The following DESI2 variants were observed in gnomAD, a reference collection of about 807,000 sequenced individuals.
DESI2 encodes desumoylating isopeptidase 2.
In DESI2, 10 loss-of-function variants were observed where a neutral mutation model predicts 24.1. The observed-to-expected ratio is 0.41, with a 90% CI of 0.26 to 0.70. The LOEUF (loss-of-function observed/expected upper bound fraction) is 0.70. DESI2 is among the 30% of genes least tolerant of loss of function. The pLI is 0.29. For missense variants in DESI2, 122 were observed against 234.9 expected, an observed-to-expected ratio of 0.52 and a Z score of 3.14; for synonymous variants, 71 against 87.7, an observed-to-expected ratio of 0.81 and a Z score of 1.06.
intron 1 of DESI2, among the ~76,000 whole-genome samples, chr1:244,673,950 C>T (rs1013126863): frequency 1.1e-4 from 17 of 148,210 alleles, no homozygotes; most frequent in African/African-American, 4.2e-4. Flanking sequence ...ACTCTTCTGT[C>T]ATTTGGGACA....
chr1:244,695,874 A>AGTGAGCCTCCTGCCTCAGCCTCCC (rs1482309874), intron 4 of DESI2, among the ~76,000 whole-genome samples: 14 of 152,284 alleles, frequency 9.2e-5, no homozygotes, highest in African/African-American at 3.4e-4. Flanking sequence ...CTCAGGCTCA[A>AGTGAGCCTCCTGCCTCAGCCTCCC]GTGAGCCTCC....
intron 3 of DESI2, 83 bp from the exon 4 acceptor site, chr1:244,691,796 G>T: frequency 9.3e-7 from 1 of 1,075,132 alleles, no homozygotes; most frequent in Non-Finnish European, 1.3e-6. Context: ...AAATAAGCAA[G>T]TATTTAAACA....
chr1:244,658,897 G>A (rs1675740059), intron 1 of DESI2, among the ~76,000 whole-genome samples: 1 of 152,068 alleles, frequency 6.6e-6, no homozygotes, highest in African/African-American at 2.4e-5. Context: ...CTGAGGAAAT[G>A]TTTTTAATAA....
chr1:244,695,503 A>G (rs759922299), intron 4 of DESI2, among the ~76,000 whole-genome samples: 1 of 152,146 alleles, frequency 6.6e-6, no homozygotes, highest in Non-Finnish European at 1.5e-5. Context: ...AAATATAAAA[A>G]TTAGCTGGGC....
chr1:244,706,021 G>T lies in DESI2; in HGVS notation c.*232G>T. Reference sequence around the variant, plus strand: ...TTTTTTTTATCCACTCGTAAATCTGGATTTATTTCTTCTGTTTTATACAAG... The same window carrying T: ...TTTTTTTTATCCACTCGTAAATCTGTATTTATTTCTTCTGTTTTATACAAG... On this transcript the variant is annotated 3_prime_UTR_variant, in exon 5 of 5. Coordinates refer to ENST00000302550, the MANE Select transcript of DESI2 (RefSeq NM_016076.5). 2.0e-6 allele frequency: 1 copy of T among 510,428 alleles called. No individual in the cohort carries two copies. Among genetic ancestry groups the T allele is most frequent in the Non-Finnish European group, 3.5e-6 (1 of 284,984 alleles). 31.6% of individuals were successfully genotyped at this position (510,428 alleles called of 1,614,324 possible).
chr1:244,689,658 C>T lies in DESI2; in HGVS notation c.209+316C>T, dbSNP rs755085309. Among the ~76,000 whole-genome samples, 17 of 151,930 alleles carry T rather than the reference C, an allele frequency of 1.1e-4. No individual in the cohort carries two copies. Among genetic ancestry groups the T allele is most frequent in the Non-Finnish European group, 2.1e-4 (14 of 67,984 alleles). On this transcript the variant is annotated intron_variant, in intron 3 of 4. Transcript: ENST00000302550. The surrounding 1 kb of genome is among the most constrained non-coding windows in gnomAD (Gnocchi z 4.0). ...CCAAGTAGCTGGGATTACAGGCGTG[C>T]ACCACGACGTCCGGCTAATTTTTGT... is the stretch of plus-strand genomic sequence containing the variant.
At chr1:244,679,576 G>GA (rs1294976064) in intron 1 of DESI2, among the ~76,000 whole-genome samples, 2 of 152,140 alleles carry the variant, frequency 1.3e-5, no homozygotes, top group African/African-American at 4.8e-5. Flanking sequence ...TATTTCCCAA[G>GA]AAGACATTTT....
At position 244,689,091 on chromosome 1, in the gene DESI2, A is replaced by T. The variant is rs961906753; in HGVS notation, c.116-158A>T. 6.6e-6 allele frequency among the ~76,000 whole-genome samples: 1 copy of T among 152,242 alleles called. No individual in the cohort carries two copies. The highest frequency in any genetic ancestry group is 6.5e-5 in the Admixed American group (1 of 15,284). On this transcript the variant is annotated intron_variant, in intron 2 of 4. Transcript: ENST00000302550. The surrounding 1 kb of genome is among the most constrained non-coding windows in gnomAD (Gnocchi z 4.0). ...TTCGGGTCTTTTGTGACAACTGTTT[A>T]TACGAGTAATAGCTAAGTGAGATAT...
At chr1:244,680,429 C>CAA (rs113349044) in intron 1 of DESI2, among the ~76,000 whole-genome samples, 6 of 135,242 alleles carry the variant, frequency 4.4e-5, no homozygotes, top group African/African-American at 1.1e-4. Context: ...AACCCTGTCT[C>CAA]AAAAAAAAAA....
chr1:244,705,314 G>C (rs1159490891), intron 4 of DESI2, among the ~76,000 whole-genome samples: 2 of 152,184 alleles, frequency 1.3e-5, no homozygotes, highest in Non-Finnish European at 2.9e-5. Context: ...TGATTTCACA[G>C]ATATGAAAAG....
intron 1 of DESI2, among the ~76,000 whole-genome samples, chr1:244,686,335 CA>C (rs1478687525): frequency 2.6e-5 from 4 of 151,894 alleles, no homozygotes; most frequent in Admixed American, 2.0e-4. Context: ...CACCGCCCCA[CA>C]AACTGATCAA....
intron 1 of DESI2, among the ~76,000 whole-genome samples, chr1:244,654,945 G>A (rs1393855476): frequency 6.6e-6 from 1 of 152,182 alleles, no homozygotes; most frequent in Non-Finnish European, 1.5e-5. Context: ...GTGGCCAGAA[G>A]CCATGGTTTC....
At chr1:244,655,578 A>G (rs1192171607) in intron 1 of DESI2, among the ~76,000 whole-genome samples, 1 of 152,192 alleles carries the variant, frequency 6.6e-6, no homozygotes, top group Non-Finnish European at 1.5e-5. Context: ...TGTAGAGGAG[A>G]TACACAACAG....
chr1:244,653,272 A>C lies in DESI2; in HGVS notation c.-42A>C. ...GAGAGCGGCCTCCGGCCCCGCGGAG[A>C]CGGAGCGGCTTGAGGACGAGGCGGC... On this transcript the variant is annotated 5_prime_UTR_variant, in exon 1 of 5. Transcript: ENST00000302550. The C allele has an allele frequency of 6.8e-7, 1 of 1,469,664 alleles. No homozygotes were observed. Among genetic ancestry groups the C allele is most frequent in the Non-Finnish European group, 9.0e-7 (1 of 1,112,752 alleles). The allele number at this position is 1,469,664 out of a possible 1,614,324, so 91.0% of individuals were successfully genotyped here.
chr1:244,680,894 T>G (rs1437184494), intron 1 of DESI2, among the ~76,000 whole-genome samples: 1 of 152,016 alleles, frequency 6.6e-6, no homozygotes, highest in African/African-American at 2.4e-5. Context: ...TGCCCTTTCG[T>G]CTACTTGTAC....
chr1:244,677,630 G>T (rs1027181236), intron 1 of DESI2, among the ~76,000 whole-genome samples: 2 of 152,254 alleles, frequency 1.3e-5, no homozygotes, highest in East Asian at 3.9e-4. Context: ...ATGAGTCTGG[G>T]CACAGTACTG....
chr1:244,691,757 A>G lies in DESI2; in HGVS notation c.210-122A>G. ...TTTTAGTCTTGTTATATTAACCCTG[A>G]TTTGTTATGTCGATCATAATATTCC... is the stretch of plus-strand genomic sequence containing the variant. On this transcript the variant is annotated intron_variant, in intron 3 of 4. Transcript: ENST00000302550. 1.5e-5 allele frequency: 12 copies of G among 776,894 alleles called. 1 individual carries two copies. In the South Asian group the frequency reaches 2.9e-4, roughly 19 times the overall value. The allele number at this position is 776,894 out of a possible 1,614,324, so 48.1% of individuals were successfully genotyped here.
Position 244,695,117 on chromosome 1 carries a change from G to C in DESI2, c.351+3097G>C, listed in dbSNP as rs367676562. Among the ~76,000 whole-genome samples the C allele has an allele frequency of 2.0e-4, 31 of 152,308 alleles. No individual in the cohort carries two copies. The South Asian group carries it at 6.4e-3, about 32-fold the overall frequency. On this transcript the variant is annotated intron_variant, in intron 4 of 4. Coordinates refer to ENST00000302550, the MANE Select transcript of DESI2 (RefSeq NM_016076.5). ...GGATGTTGGCCCCACCGGCAGGCCA[G>C]CTCCCTTTATGGTTTCAGATAGAGG... is the stretch of plus-strand genomic sequence containing the variant.
intron 1 of DESI2, among the ~76,000 whole-genome samples, chr1:244,683,229 C>G (rs541192960): frequency 6.6e-6 from 1 of 152,134 alleles, no homozygotes; most frequent in African/African-American, 2.4e-5. Flanking sequence ...TAGCAAGATT[C>G]TTTGCTAAAA....
Sources: allele counts gnomAD v4.1 joint callset (sites outside exome capture counted in the v4.1 genomes callset), GRCh38; gene constraint gnomAD v4.1.1; non-coding constraint Gnocchi (gnomAD v3.1); transcripts MANE v1.5; gene names NCBI Gene and HGNC (gene_info 2026-07-23, HGNC 2026-07-21).